Variants in PBXIP1 observed in about 807,000 individuals in gnomAD.
The protein encoded by PBXIP1 is PBX homeobox interacting protein 1.
In PBXIP1, 73 loss-of-function variants were observed where a neutral mutation model predicts 73.7. The observed-to-expected ratio is 0.99, with a 90% CI of 0.82 to 1.20. PBXIP1 has a LOEUF of 1.20. Among genes scored for constraint, PBXIP1 ranks in the 50% most tolerant of loss-of-function variants. The probability of loss-of-function intolerance (pLI) is 0.00; values close to 1 mark genes in which losing one functional copy is unlikely to be tolerated. For synonymous variants in PBXIP1, 330 were observed against 366.9 expected (o/e 0.90, Z 1.15); for missense variants, 818 against 911.4 (o/e 0.90, Z 1.32).
rs12760148 is a variant in PBXIP1, at chr1:154,946,268, G to A, written c.1406C>T (p.Ser469Phe). ...AWHQKSHFQN[S>F]REWSGKEKWW... is the part of the protein sequence containing the mutation. ...CTTTTCCTTTCCACTCCACTCCCTAGAATTCTGGAAGTGGGACTTCTGGTG... is the reference window on the plus strand; with the variant it reads ...CTTTTCCTTTCCACTCCACTCCCTAAAATTCTGGAAGTGGGACTTCTGGTG... The change falls in exon 10 of 11, where the codon TCT becomes TTT. Residue 469 changes from serine (S) to phenylalanine (F), a missense_variant. Coordinates refer to ENST00000368463, the MANE Select transcript of PBXIP1 (RefSeq NM_020524.4). The A allele has an allele frequency of 1.2e-6, 2 of 1,614,076 alleles. No homozygotes were observed. Among genetic ancestry groups the A allele is most frequent in the South Asian group, 1.1e-5 (1 of 91,082 alleles).
chr1:154,945,483 G>A, intron 10 of PBXIP1, 89 bp downstream of exon 10: 1 of 1,384,850 alleles, frequency 7.2e-7, no homozygotes, highest in South Asian at 1.3e-5. Flanking sequence ...GGGACCAAAA[G>A]TAAGGATACT....
rs780238453 is a variant in PBXIP1, at chr1:154,953,692, G to C, written c.30C>G (p.Ser10Arg). The C allele has an allele frequency of 6.2e-7, 1 of 1,613,264 alleles. No homozygotes were observed. The highest frequency in any genetic ancestry group is 2.2e-5 in the East Asian group (1 of 44,866). Residue 10 changes from serine to arginine, a missense_variant, in exon 2 of 11, where the codon AGC becomes AGG. Transcript: ENST00000368463. MASCPDSDN[S>R]WVLAGSESLP... ...CTACCTCGGAGCCAGCAAGCACCCA[G>C]CTATTATCAGAGTCTGGGCAGGAGG...
At position 154,945,133 on chromosome 1, in the gene PBXIP1, G is replaced by T; in HGVS notation, c.2103-16C>A. 1 of 1,581,742 alleles carries T rather than the reference G, an allele frequency of 6.3e-7. No homozygotes were observed. The highest frequency in any genetic ancestry group is 1.7e-5 in the Admixed American group (1 of 59,932). On this transcript the variant is annotated splice_polypyrimidine_tract_variant and intron_variant, in intron 10 of 10. Transcript: ENST00000368463. ...CTTCCCTGACCTGTGGGGAGGAAGA[G>T]GCCTTTAGGGGACAATACCATGCAA...
In PBXIP1 at chr1:154,946,734, G is replaced by C; in HGVS notation, c.940C>G (p.Arg314Gly). ...KGLEEENAQL[R>G]GALQQGEAFQ... ...GCTTCGCCCTGCTGCAGAGCCCCCC[G>C]GAGCTGGGCATTCTCCTCCTCTAGC... The change falls in exon 10 of 11, where the codon CGG becomes GGG. Residue 314 changes from arginine (R) to glycine (G), a missense_variant. Arg to Gly is a moderately radical substitution (Grantham distance 125, BLOSUM62 -2). Transcript: ENST00000368463. 2 of 1,603,268 alleles carry C rather than the reference G, an allele frequency of 1.2e-6. No individual in the cohort carries two copies. The highest frequency in any genetic ancestry group is 1.7e-6 in the Non-Finnish European group (2 of 1,172,852).
In PBXIP1 at chr1:154,946,745, T is replaced by A. The variant is rs371914476; in HGVS notation, c.929A>T (p.Asn310Ile). The change falls in exon 10 of 11, where the codon AAT (asparagine) becomes ATT (isoleucine). Residue 310 changes from asparagine to isoleucine, a missense_variant. Coordinates refer to ENST00000368463, the MANE Select transcript of PBXIP1 (RefSeq NM_020524.4). ...MHQPKGLEEE[N>I]AQLRGALQQG... ...CTGCAGAGCCCCCCGGAGCTGGGCA[T>A]TCTCCTCCTCTAGCCCTTTGGGCTG... 19 of 1,598,994 alleles carry A rather than the reference T, an allele frequency of 1.2e-5. No individual in the cohort carries two copies. The highest frequency in any genetic ancestry group is 1.6e-5 in the Non-Finnish European group (19 of 1,170,458).
rs1342114635 is a variant in PBXIP1, at chr1:154,946,499, T to C, written c.1175A>G (p.Gln392Arg). ...CCTCTCTAACTCTTGCCTTAATGCC[T>C]GTGCCTCAGCCTCCAGCTGTTCCTT... is the stretch of plus-strand genomic sequence containing the variant. Reference protein sequence around the residue: ...KQKEQLEAEAQALRQELERQR... With the variant: ...KQKEQLEAEARALRQELERQR... The change falls in exon 10 of 11, where the codon CAG becomes CGG. Residue 392 changes from glutamine to arginine, a missense_variant. Gln to Arg is a conservative substitution (Grantham distance 43, BLOSUM62 1). Coordinates refer to ENST00000368463, the MANE Select transcript of PBXIP1 (RefSeq NM_020524.4). 6.2e-7 allele frequency: 1 copy of C among 1,609,646 alleles called. No homozygotes were observed. The highest frequency in any genetic ancestry group is 8.5e-7 in the Non-Finnish European group (1 of 1,179,992).
chr1:154,945,099 C>T lies in PBXIP1; in HGVS notation c.2121G>A (p.Lys707=). Residue 707 remains lysine, a synonymous_variant, in exon 11 of 11, where the codon AAG becomes AAA. Coordinates refer to ENST00000368463, the MANE Select transcript of PBXIP1 (RefSeq NM_020524.4). Reference sequence around the variant, plus strand: ...CCGCAGCTCTTGGGCTCTGTGAGTGCTTGTCCTTCTTCCCTGACCTGTGGG... The same window carrying T: ...CCGCAGCTCTTGGGCTCTGTGAGTGTTTGTCCTTCTTCCCTGACCTGTGGG... ...ALKKRSGKKD[K]HSQSPRAAGP... is the part of the protein sequence containing the mutation. 9 of 1,613,920 alleles carry T rather than the reference C, an allele frequency of 5.6e-6. No homozygotes were observed. Among genetic ancestry groups the T allele is most frequent in the Non-Finnish European group, 7.6e-6 (9 of 1,179,796 alleles).
chr1:154,950,526 G>A (rs1246571647), intron 5 of PBXIP1: 2 of 152,518 alleles, frequency 1.3e-5, no homozygotes, highest in Non-Finnish European at 2.9e-5. Context: ...GACCACTGCA[G>A]TTGCCTCCTA....
chr1:154,952,056 A>G (rs1226761533), intron 2 of PBXIP1, 135 bp from the exon 3 acceptor site: 1 of 895,700 alleles, frequency 1.1e-6, no homozygotes, highest in Non-Finnish European at 1.7e-6. Context: ...GGCATTCCCC[A>G]GCCTCACTCA....
chr1:154,953,521 T>C (rs1156658250), intron 2 of PBXIP1, 150 bp downstream of exon 2: 3 of 614,566 alleles, frequency 4.9e-6, no homozygotes, highest in Middle Eastern at 2.6e-4. Context: ...GATCTACTTC[T>C]TCCTGCTACT....
chr1:154,954,830 T>G, intron 1 of PBXIP1: 232 of 252,722 alleles, frequency 9.2e-4, no homozygotes, highest in Middle Eastern at 2.0e-3. Flanking sequence ...GAAGGATAGA[T>G]GAGCTGACCT....
intron 7 of PBXIP1, 50 bp downstream of exon 7, chr1:154,947,932 C>G: frequency 6.3e-7 from 1 of 1,595,868 alleles, no homozygotes; most frequent in South Asian, 1.1e-5. Flanking sequence ...CCCACAGAAC[C>G]AGAGAACACA....
chr1:154,948,122 G>A lies in PBXIP1; in HGVS notation c.643+11C>T. The A allele has an allele frequency of 2.5e-6, 4 of 1,573,690 alleles. No individual in the cohort carries two copies. Among genetic ancestry groups the A allele is most frequent in the Non-Finnish European group, 3.5e-6 (4 of 1,157,624 alleles). ...GAAGCCCAAAGCCCCAGCCTCAGAG[G>A]TACCACTCACCTGAGAAGAGGAGGA... is the stretch of plus-strand genomic sequence containing the variant. On this transcript the variant is annotated intron_variant, in intron 6 of 10. Coordinates refer to ENST00000368463, the MANE Select transcript of PBXIP1 (RefSeq NM_020524.4).
chr1:154,952,336 G>A (rs1655034214), intron 2 of PBXIP1, among the ~76,000 whole-genome samples: 1 of 152,086 alleles, frequency 6.6e-6, no homozygotes, highest in Non-Finnish European at 1.5e-5. Context: ...CCCTGCAGCT[G>A]CCCTCTCAAC....
chr1:154,946,738 C>A lies in PBXIP1; in HGVS notation c.936G>T (p.Gln312His). 6.2e-7 allele frequency: 1 copy of A among 1,601,326 alleles called. No individual in the cohort carries two copies. The highest frequency in any genetic ancestry group is 1.1e-5 in the South Asian group (1 of 90,300). Residue 312 changes from glutamine to histidine, a missense_variant, in exon 10 of 11, where the codon CAG becomes CAT. Gln to His is a conservative substitution (Grantham distance 24). Coordinates refer to ENST00000368463, the MANE Select transcript of PBXIP1 (RefSeq NM_020524.4). ...CGCCCTGCTGCAGAGCCCCCCGGAG[C>A]TGGGCATTCTCCTCCTCTAGCCCTT... ...QPKGLEEENA[Q>H]LRGALQQGEA...
chr1:154,946,654 C>G lies in PBXIP1; in HGVS notation c.1020G>C (p.Gly340=). Residue 340 remains glycine (G), a synonymous_variant, in exon 10 of 11, where the codon GGG becomes GGC. Coordinates refer to ENST00000368463, the MANE Select transcript of PBXIP1 (RefSeq NM_020524.4). The part of the protein sequence containing the change: ...ELQQLRARLQ[G]LEADCVRGPD... ...GGCCCCGGACACAGTCGGCCTCCAG[C>G]CCCTGGAGCCGGGCCCGCAGCTGCT... The G allele has an allele frequency of 6.2e-7, 1 of 1,612,494 alleles. No individual in the cohort carries two copies. The highest frequency in any genetic ancestry group is 8.5e-7 in the Non-Finnish European group (1 of 1,178,892).
Position 154,946,238 on chromosome 1 carries a change from C to G in PBXIP1, c.1436G>C (p.Trp479Ser), listed in dbSNP as rs1216012077. 2 of 1,614,008 alleles carry G rather than the reference C, an allele frequency of 1.2e-6. No individual in the cohort carries two copies. The highest frequency in any genetic ancestry group is 1.7e-6 in the Non-Finnish European group (2 of 1,180,032). Residue 479 changes from tryptophan to serine, a missense_variant, in exon 10 of 11, where the codon TGG becomes TCG. By Grantham distance (177) the Trp-to-Ser change is radical. Transcript: ENST00000368463. ...AGCCTTCCGGTCTCTCTGCCCATCC[C>G]ACCACTTTTCCTTTCCACTCCACTC... Reference protein sequence around the residue: ...SREWSGKEKWWDGQRDRKAEH... With the variant: ...SREWSGKEKWSDGQRDRKAEH...
rs535456361 is a variant in PBXIP1, at chr1:154,946,422, C to T, written c.1252G>A (p.Asp418Asn). The T allele has an allele frequency of 1.9e-6, 3 of 1,610,402 alleles. No individual in the cohort carries two copies. Among genetic ancestry groups the T allele is most frequent in the South Asian group, 1.1e-5 (1 of 91,080 alleles). Residue 418 changes from aspartate (D) to asparagine (N), a missense_variant, in exon 10 of 11, where the codon GAT (aspartate) becomes AAT (asparagine). Physicochemically the swap from Asp to Asn is conservative, Grantham distance 23. Transcript: ENST00000368463. Reference sequence around the variant, plus strand: ...TGAGCTGGGTCCCCGCGGCTGGCATCCTGCAAGCTCCTCTCCAGATCCTGC... The same window carrying T: ...TGAGCTGGGTCCCCGCGGCTGGCATTCTGCAAGCTCCTCTCCAGATCCTGC... ...VQQDLERSLQ[D>N]ASRGDPAHAG...
At chr1:154,945,259 G>A (rs1654763630) in intron 10 of PBXIP1, 142 bp from the exon 11 acceptor site, 1 of 657,654 alleles carries the variant, frequency 1.5e-6, no homozygotes. Flanking sequence ...GGTCTCCCAG[G>A]ATAAAGGCTC....
Sources: allele counts gnomAD v4.1 joint callset (sites outside exome capture counted in the v4.1 genomes callset), GRCh38; gene constraint gnomAD v4.1.1; transcripts MANE v1.5; gene names NCBI Gene and HGNC (gene_info 2026-07-23, HGNC 2026-07-21).